HMGCLL1: variants seen among roughly 807,000 people sequenced by gnomAD.
The protein encoded by HMGCLL1 is 3-hydroxymethyl-3-methylglutaryl-CoA lyase, cytoplasmic.
A neutral mutation model predicts 39.1 loss-of-function variants in HMGCLL1; 36 were observed. The observed-to-expected ratio is 0.92, with a 90% CI of 0.71 to 1.22. HMGCLL1 has a LOEUF of 1.22. HMGCLL1 is among the 50% of genes most tolerant of loss of function. HMGCLL1 has a pLI of 0.00. For synonymous variants in HMGCLL1, 149 were observed against 144.0 expected, an observed-to-expected ratio of 1.03 and a Z score of -0.25; for missense variants, 451 against 416.5, an observed-to-expected ratio of 1.08 and a Z score of -0.72.
chr6:55,578,632 T>A (rs1211821127), intron 1 of HMGCLL1, among the ~76,000 whole-genome samples: 1 of 152,192 alleles, frequency 6.6e-6, no homozygotes, highest in Non-Finnish European at 1.5e-5. Flanking sequence ...TACCTATGAA[T>A]ACAAATTGTA....
the HMGCLL1 span, among the ~76,000 whole-genome samples, chr6:55,649,868 A>G: frequency 6.0e-3 from 907 of 151,254 alleles, 4 homozygotes; most frequent in Admixed American, 8.7e-3. Context: ...TCTGCTCTTC[A>G]GAGATACTGA....
intron 1 of HMGCLL1, among the ~76,000 whole-genome samples, chr6:55,550,495 C>T (rs1438469712): frequency 2.0e-5 from 3 of 151,942 alleles, no homozygotes; most frequent in African/African-American, 7.3e-5. Context: ...ATATCCTTTA[C>T]TTCCCCACAG....
At chr6:55,633,844 A>G in the HMGCLL1 span, among the ~76,000 whole-genome samples, 1 of 152,118 alleles carries the variant, frequency 6.6e-6, no homozygotes, top group African/African-American at 2.4e-5. Context: ...CAACTAAAGA[A>G]TAGATATGAG....
At chr6:55,654,836 T>C in the HMGCLL1 span, among the ~76,000 whole-genome samples, 28 of 151,960 alleles carry the variant, frequency 1.8e-4, no homozygotes, top group Non-Finnish European at 1.5e-5. Flanking sequence ...TTTTATAATA[T>C]TCACCTTAGA....
the HMGCLL1 span, among the ~76,000 whole-genome samples, chr6:55,629,144 A>C: frequency 6.6e-6 from 1 of 152,168 alleles, no homozygotes; most frequent in East Asian, 1.9e-4. Context: ...GAAACTTCCT[A>C]GCAACTTGTT....
chr6:55,668,144 C>T, the HMGCLL1 span, among the ~76,000 whole-genome samples: 2 of 151,850 alleles, frequency 1.3e-5, no homozygotes, highest in African/African-American at 2.4e-5. Flanking sequence ...GAAGGCATTT[C>T]GGGCTAAAAT....
intron 3 of HMGCLL1, among the ~76,000 whole-genome samples, chr6:55,529,838 A>G (rs1426734873): frequency 6.6e-6 from 1 of 152,156 alleles, no homozygotes; most frequent in East Asian, 1.9e-4. Context: ...TGGGTCCAAC[A>G]GAGAACTCAA....
At chr6:55,451,188 T>G (rs1764065009) in intron 7 of HMGCLL1, among the ~76,000 whole-genome samples, 1 of 152,198 alleles carries the variant, frequency 6.6e-6, no homozygotes, top group African/African-American at 2.4e-5. Flanking sequence ...GAGGTCCCCA[T>G]GTATTTTTCA....
At chr6:55,491,098 AG>A (rs1364327692) in intron 7 of HMGCLL1, among the ~76,000 whole-genome samples, 2 of 152,186 alleles carry the variant, frequency 1.3e-5, no homozygotes, top group Non-Finnish European at 2.9e-5. Context: ...TGCACAACTC[AG>A]GGAAGCAGAC....
chr6:55,592,839 A>G, the HMGCLL1 span, among the ~76,000 whole-genome samples: 2 of 152,104 alleles, frequency 1.3e-5, no homozygotes, highest in Non-Finnish European at 2.9e-5. Context: ...AGAGAAGTCA[A>G]CTAAGTTACT....
chr6:55,645,494 C>T, the HMGCLL1 span, among the ~76,000 whole-genome samples: 2 of 151,940 alleles, frequency 1.3e-5, no homozygotes, highest in Admixed American at 1.3e-4. Context: ...AGAGGAAAGG[C>T]TTTCAGTTTT....
At chr6:55,437,741 T>G (rs184402946) in intron 8 of HMGCLL1, among the ~76,000 whole-genome samples, 309 of 152,158 alleles carry the variant, frequency 2.0e-3, no homozygotes, top group South Asian at 8.5e-3. Flanking sequence ...TGTAACCCTT[T>G]GATGGTAGCA....
At chr6:55,550,961 T>G (rs1770294315) in intron 1 of HMGCLL1, among the ~76,000 whole-genome samples, 1 of 150,742 alleles carries the variant, frequency 6.6e-6, no homozygotes, top group Admixed American at 6.6e-5. Context: ...AGGCTATAGC[T>G]CATCAATTAG....
At chr6:55,676,392 T>A in the HMGCLL1 span, among the ~76,000 whole-genome samples, 1 of 152,146 alleles carries the variant, frequency 6.6e-6, no homozygotes, top group Non-Finnish European at 1.5e-5. Flanking sequence ...AGGTCAATAT[T>A]CAGACCAACG....
At chr6:55,556,781 C>G (rs1442903320) in intron 1 of HMGCLL1, among the ~76,000 whole-genome samples, 1 of 151,992 alleles carries the variant, frequency 6.6e-6, no homozygotes, top group Non-Finnish European at 1.5e-5. Flanking sequence ...CTTTTGGGTA[C>G]GAGGGCCAAG....
chr6:55,516,527 A>G lies in HMGCLL1; in HGVS notation c.374T>C (p.Leu125Pro). The G allele has an allele frequency of 1.3e-6, 2 of 1,596,358 alleles. No homozygotes were observed. Among genetic ancestry groups the G allele is most frequent in the Non-Finnish European group, 1.7e-6 (2 of 1,167,862 alleles). Residue 125 changes from leucine (L) to proline (P), a missense_variant, in exon 4 of 9, where the codon CTT becomes CCT. Coordinates refer to ENST00000274901, the MANE Select transcript of HMGCLL1 (RefSeq NM_001042406.2). ...ACTTACAGCATGGTGAAAACCCTGA[A>G]GATTAGGAGTAAGGACAGGATAGCG... ...GVRYPVLTPNLQGFHHAVAAG... is the reference protein window; with the variant it reads ...GVRYPVLTPNPQGFHHAVAAG...
chr6:55,502,891 C>A (rs544793960), intron 5 of HMGCLL1, among the ~76,000 whole-genome samples: 1 of 151,582 alleles, frequency 6.6e-6, no homozygotes, highest in Non-Finnish European at 1.5e-5. Context: ...TACTTTAAGT[C>A]TTATGTTCTT....
the HMGCLL1 span, among the ~76,000 whole-genome samples, chr6:55,611,061 T>C: frequency 2.9e-3 from 435 of 152,196 alleles, 1 homozygote; most frequent in Non-Finnish European, 5.0e-3. Context: ...ACAAACAGTC[T>C]CTCAGACCAC....
intron 1 of HMGCLL1, among the ~76,000 whole-genome samples, chr6:55,546,325 C>A (rs547315834): frequency 2.0e-5 from 3 of 152,040 alleles, no homozygotes; most frequent in Non-Finnish European, 2.9e-5. Context: ...ATTTTCATAA[C>A]GTTTTGTAGA....
Sources: allele counts gnomAD v4.1 joint callset (sites outside exome capture counted in the v4.1 genomes callset), GRCh38; gene constraint gnomAD v4.1.1; transcripts MANE v1.5; gene names NCBI Gene and HGNC (gene_info 2026-07-23, HGNC 2026-07-21).